Variants in KLK6 observed in about 807,000 individuals in gnomAD.
The protein encoded by KLK6 is kallikrein related peptidase 6.
Under a neutral mutation model 21.7 loss-of-function variants are expected in KLK6, and 16 were observed. That is an observed-to-expected ratio of 0.74 (90% CI 0.50 to 1.12). The LOEUF (loss-of-function observed/expected upper bound fraction) is 1.12, where lower values mean the gene tolerates loss of function less well. Among genes scored for constraint, KLK6 ranks in the 50% most tolerant of loss-of-function variants. The pLI is 0.00. For missense variants in KLK6, 276 were observed against 304.6 expected (o/e 0.91, Z 0.70); for synonymous variants, 116 against 120.1 (o/e 0.97, Z 0.22).
chr19:50,968,367 T>G lies in KLK6; in HGVS notation c.-9+174A>C, dbSNP rs1028826317. ...CAGTAACCCATGGTGAGATTCTGATTAGATCTTTCTACTTTCTTGGGCACT... is the reference window on the plus strand; with the variant it reads ...CAGTAACCCATGGTGAGATTCTGATGAGATCTTTCTACTTTCTTGGGCACT... On this transcript the variant is annotated intron_variant, in intron 2 of 6. Transcript: ENST00000310157. 5.1e-5 allele frequency: 29 copies of G among 563,902 alleles called. No homozygotes were observed. The East Asian group carries it at 6.2e-4, about 12-fold the overall frequency. 34.9% of individuals were successfully genotyped at this position (563,902 alleles called of 1,614,324 possible).
At position 50,959,236 on chromosome 19, in the gene KLK6, C is replaced by A; in HGVS notation, c.663G>T (p.Lys221Asn). The change falls in exon 7 of 7, where the codon AAG (lysine) becomes AAT (asparagine). Residue 221 changes from lysine to asparagine, a missense_variant. Coordinates refer to ENST00000310157, the MANE Select transcript of KLK6 (RefSeq NM_002774.4). The part of the protein sequence containing the change: ...VSWGNIPCGS[K>N]EKPGVYTNVC... ...CGTTGGTGTAGACTCCTGGCTTCTC[C>A]TTTGATCCACAGGGGATGTTACCCC... 1.2e-6 allele frequency: 2 copies of A among 1,614,022 alleles called. No homozygotes were observed.
At chr19:50,960,213 G>A (rs1039626278) in intron 6 of KLK6, among the ~76,000 whole-genome samples, 1 of 151,444 alleles carries the variant, frequency 6.6e-6, no homozygotes, top group African/African-American at 2.4e-5. Flanking sequence ...GATATGCCTG[G>A]CACTATTCTG....
Position 50,961,700 on chromosome 19 carries a change from G to A in KLK6, c.582+44C>T, listed in dbSNP as rs374341772. The A allele has an allele frequency of 1.5e-4, 243 of 1,596,916 alleles. No individual in the cohort carries two copies. In the East Asian group the frequency reaches 1.9e-3, roughly 12 times the overall value. ...TGTCTGGCCATGTTTTTGTGACTTC[G>A]TCCTGTCCCTGGCTGTGTAAGTGGC... On this transcript the variant is annotated intron_variant, in intron 6 of 6. Transcript: ENST00000310157.
At chr19:50,960,857 C>A (rs2090830781) in intron 6 of KLK6, among the ~76,000 whole-genome samples, 1 of 152,160 alleles carries the variant, frequency 6.6e-6, no homozygotes, top group Admixed American at 6.5e-5. Flanking sequence ...ACCTCCGCCT[C>A]CAGGTTCAAG....
chr19:50,965,384 A>G (rs564353645), intron 4 of KLK6, among the ~76,000 whole-genome samples: 2 of 152,034 alleles, frequency 1.3e-5, no homozygotes, highest in African/African-American at 4.8e-5. Context: ...TCCCACGTTC[A>G]AGCAATTCTC....
rs1439568768 is a variant in KLK6 at position 50,959,266 on chromosome 19, C to A, written c.633G>T (p.Val211=). 1.1e-5 allele frequency: 17 copies of A among 1,613,962 alleles called. No individual in the cohort carries two copies. Among genetic ancestry groups the A allele is most frequent in the Non-Finnish European group, 1.2e-5 (14 of 1,179,998 alleles). Residue 211 remains valine (V), a synonymous_variant, in exon 7 of 7, where the codon GTG becomes GTT. Transcript: ENST00000310157. ...ATCCACAGGGGATGTTACCCCATGA[C>A]ACAAGGCCTCGGAGGTGGTCTCCAC... The part of the protein sequence containing the change: ...LVCGDHLRGL[V]SWGNIPCGSK...
chr19:50,967,893 C>CA (rs1387652892), intron 3 of KLK6, among the ~76,000 whole-genome samples, 172 bp downstream of exon 3: 1 of 151,536 alleles, frequency 6.6e-6, no homozygotes, highest in African/African-American at 2.4e-5. Context: ...CACCTCCCAC[C>CA]ACCCTCCCTA....
chr19:50,960,561 C>T (rs554216495), intron 6 of KLK6, among the ~76,000 whole-genome samples: 14 of 152,060 alleles, frequency 9.2e-5, no homozygotes, highest in African/African-American at 3.4e-4. Context: ...GAAGGACAGT[C>T]CCCTCACACC....
chr19:50,962,640 A>G (rs1413847765), intron 5 of KLK6: 1 of 152,598 alleles, frequency 6.6e-6, no homozygotes, highest in African/African-American at 2.4e-5. Context: ...CCTTCATCCA[A>G]TGGTCCACCT....
intron 4 of KLK6, among the ~76,000 whole-genome samples, chr19:50,964,310 G>A (rs771365865): frequency 2.2e-4 from 33 of 152,124 alleles, no homozygotes; most frequent in Middle Eastern, 3.2e-3. Context: ...CTGTTAGTAG[G>A]CAATTCCTAT....
intron 4 of KLK6, among the ~76,000 whole-genome samples, chr19:50,964,280 C>T (rs2090892822): frequency 6.6e-6 from 1 of 152,180 alleles, no homozygotes; most frequent in African/African-American, 2.4e-5. Context: ...TCCTTAGTTG[C>T]CCAATTAAAA....
At chr19:50,959,363 CTGTGTG>C (rs71185782) in intron 6 of KLK6, 47 bp from the exon 7 acceptor site, 23,919 of 837,188 alleles carry the variant, frequency 0.029, 241 homozygotes, top group African/African-American at 0.098. Context: ...AACCCAGAGA[CTGTGTG>C]TGTGTGTGTG....
At chr19:50,964,779 C>A (rs866653089) in intron 4 of KLK6, among the ~76,000 whole-genome samples, 1 of 152,220 alleles carries the variant, frequency 6.6e-6, no homozygotes, top group African/African-American at 2.4e-5. Flanking sequence ...AAGAATAAAG[C>A]CTGGGCTCCT....
intron 6 of KLK6, among the ~76,000 whole-genome samples, chr19:50,961,458 C>T (rs560918717): frequency 5.1e-4 from 78 of 152,374 alleles, no homozygotes; most frequent in Non-Finnish European, 9.1e-4. Flanking sequence ...AGGCATGAGC[C>T]GCTGCTCCTG....
At chr19:50,959,445 C>T (rs2090771084) in intron 6 of KLK6, 129 bp from the exon 7 acceptor site, 1 of 790,874 alleles carries the variant, frequency 1.3e-6, no homozygotes, top group Non-Finnish European at 2.0e-6. Context: ...GAGGTACTTA[C>T]TGAAAGATGG....
intron 6 of KLK6, 109 bp downstream of exon 6, chr19:50,961,635 T>A: frequency 2.2e-6 from 3 of 1,343,466 alleles, no homozygotes; most frequent in Non-Finnish European, 1.0e-6. Flanking sequence ...TCTATCTGTC[T>A]CTGTAAAGCT....
chr19:50,967,139 A>C (rs754572961), intron 4 of KLK6, 30 bp downstream of exon 4: 1 of 1,613,386 alleles, frequency 6.2e-7, no homozygotes, highest in Non-Finnish European at 8.5e-7. Context: ...GTTCAGTCGC[A>C]TCTGCTGTTC....
intron 6 of KLK6, among the ~76,000 whole-genome samples, chr19:50,960,255 G>A (rs1568536209): frequency 6.6e-6 from 1 of 151,776 alleles, no homozygotes; most frequent in Non-Finnish European, 1.5e-5. Context: ...CGTGTCTTGA[G>A]GACAGTCTCG....
At chr19:50,963,269 T>C (rs376146128) in intron 5 of KLK6, 33 bp downstream of exon 5, 2 of 1,596,644 alleles carry the variant, frequency 1.3e-6, no homozygotes, top group African/African-American at 1.3e-5. Context: ...AAGTAGCCAG[T>C]AGCCTGCTCC....
Sources: gnomAD v4.1 joint callset for allele counts (sites outside exome capture counted in the v4.1 genomes callset) on GRCh38, gnomAD v4.1.1 for gene constraint, MANE v1.5 for transcripts, NCBI Gene and HGNC (gene_info 2026-07-23, HGNC 2026-07-21) for gene names.